The following MBNL2 variants were observed in gnomAD, a reference collection of about 807,000 sequenced individuals.
MBNL2 encodes the protein muscleblind-like protein 2.
MBNL2 carries 17 observed loss-of-function variants against 41.9 expected under a neutral mutation model. The ratio of observed to expected loss-of-function variants is 0.41; its 90% CI spans 0.28 to 0.61. The LOEUF (loss-of-function observed/expected upper bound fraction) is 0.61. Among genes scored for constraint, MBNL2 ranks in the 20% least tolerant of loss-of-function variants. The pLI is 0.35. For missense variants in MBNL2, 336 were observed against 505.6 expected, an observed-to-expected ratio of 0.66 and a Z score of 3.22; for synonymous variants, 195 against 182.9, an observed-to-expected ratio of 1.07 and a Z score of -0.53.
intron 1 of MBNL2, among the ~76,000 whole-genome samples, chr13:97,250,262 A>T (rs1244629640): frequency 6.6e-6 from 1 of 152,154 alleles, no homozygotes; most frequent in Non-Finnish European, 1.5e-5. Context: ...TATATTCTCC[A>T]GCTCATTGGT....
chr13:97,385,229 C>T (rs1295239521), intron 8 of MBNL2, among the ~76,000 whole-genome samples: 1 of 152,168 alleles, frequency 6.6e-6, no homozygotes, highest in Non-Finnish European at 1.5e-5. Flanking sequence ...ATGAGACAGT[C>T]CCCCTGTCCT....
At chr13:97,162,931 G>A in the MBNL2 span, among the ~76,000 whole-genome samples, 27 of 152,284 alleles carry the variant, frequency 1.8e-4, no homozygotes, top group South Asian at 3.1e-3. Context: ...AACAAAGGTC[G>A]TGAGAATCTT....
the MBNL2 span, among the ~76,000 whole-genome samples, chr13:97,159,783 C>T: frequency 6.6e-6 from 1 of 151,700 alleles, no homozygotes; most frequent in Non-Finnish European, 1.5e-5. Context: ...GTCTGATGGG[C>T]TTCCCTTTGA....
chr13:97,181,683 T>C, the MBNL2 span, among the ~76,000 whole-genome samples: 1 of 152,228 alleles, frequency 6.6e-6, no homozygotes, highest in Admixed American at 6.5e-5. Context: ...GAGTGTAATA[T>C]ATGATATATC....
intron 5 of MBNL2, among the ~76,000 whole-genome samples, chr13:97,353,370 C>A (rs1415799089): frequency 3.3e-5 from 5 of 152,282 alleles, no homozygotes; most frequent in Non-Finnish European, 7.3e-5. Context: ...ACTCTAATAG[C>A]AAAATTACTC....
chr13:97,338,762 C>G (rs2061113909), intron 3 of MBNL2, among the ~76,000 whole-genome samples: 1 of 152,196 alleles, frequency 6.6e-6, no homozygotes, highest in African/African-American at 2.4e-5. Context: ...CTTGTGCCCT[C>G]CGGAGCTGCT....
chr13:97,258,958 G>T (rs1006265785), intron 1 of MBNL2, among the ~76,000 whole-genome samples: 2 of 152,152 alleles, frequency 1.3e-5, no homozygotes, highest in African/African-American at 4.8e-5. Context: ...CTGACTTCGA[G>T]ATATGTTAAC....
the MBNL2 span, among the ~76,000 whole-genome samples, chr13:97,206,015 A>G: frequency 2.0e-5 from 3 of 152,238 alleles, no homozygotes; most frequent in African/African-American, 7.2e-5. Flanking sequence ...CTTCTATGAT[A>G]AAAAATGAGT....
At chr13:97,161,212 T>G in the MBNL2 span, among the ~76,000 whole-genome samples, 1,356 of 152,316 alleles carry the variant, frequency 8.9e-3, 10 homozygotes, top group Non-Finnish European at 0.015. Context: ...CATTTAGCAT[T>G]GAGAGGAAAT....
chr13:97,324,362 C>T (rs963083779), intron 2 of MBNL2, among the ~76,000 whole-genome samples: 6 of 152,100 alleles, frequency 3.9e-5, no homozygotes, highest in Non-Finnish European at 7.4e-5. Flanking sequence ...GTTTCCTGTA[C>T]GGTTGGGGTT....
At chr13:97,186,838 AC>A in the MBNL2 span, among the ~76,000 whole-genome samples, 1 of 152,138 alleles carries the variant, frequency 6.6e-6, no homozygotes, top group Non-Finnish European at 1.5e-5. Context: ...TTGATCATAC[AC>A]CAAAAAAAAG....
At chr13:97,386,963 A>C (rs2065969618) in intron 8 of MBNL2, among the ~76,000 whole-genome samples, 1 of 152,012 alleles carries the variant, frequency 6.6e-6, no homozygotes, top group Non-Finnish European at 1.5e-5. Flanking sequence ...GATCAAGTGT[A>C]TCTTTGCCTT....
At chr13:97,370,297 G>C (rs970734228) in intron 8 of MBNL2, among the ~76,000 whole-genome samples, 1 of 152,208 alleles carries the variant, frequency 6.6e-6, no homozygotes, top group Non-Finnish European at 1.5e-5. Flanking sequence ...AAGCTAAGAT[G>C]AATCTTACAC....
At chr13:97,244,175 T>C (rs1360991007) in intron 1 of MBNL2, among the ~76,000 whole-genome samples, 1 of 152,238 alleles carries the variant, frequency 6.6e-6, no homozygotes, top group Non-Finnish European at 1.5e-5. Context: ...AAAATTCCAA[T>C]GTGATTCTTT....
the MBNL2 span, among the ~76,000 whole-genome samples, chr13:97,178,151 C>T: frequency 4.6e-5 from 7 of 152,170 alleles, no homozygotes; most frequent in South Asian, 2.1e-4. Context: ...AAAGAAAATG[C>T]GAGGAACATA....
At chr13:97,183,071 G>A in the MBNL2 span, among the ~76,000 whole-genome samples, 4 of 152,202 alleles carry the variant, frequency 2.6e-5, no homozygotes, top group African/African-American at 9.6e-5. Context: ...AAACATAAAC[G>A]CAGATGCATC....
At chr13:97,328,940 T>C (rs1045475980) in intron 2 of MBNL2, among the ~76,000 whole-genome samples, 1 of 152,236 alleles carries the variant, frequency 6.6e-6, no homozygotes, top group African/African-American at 2.4e-5. Context: ...TTATGCTTTT[T>C]CTTTCTCACA....
chr13:97,325,294 T>A (rs1301057154), intron 2 of MBNL2, among the ~76,000 whole-genome samples: 3 of 152,212 alleles, frequency 2.0e-5, no homozygotes, highest in Non-Finnish European at 4.4e-5. Flanking sequence ...CATTTTCAGT[T>A]AATGAATAAA....
the MBNL2 span, among the ~76,000 whole-genome samples, chr13:97,210,627 C>T: frequency 9.1e-6 from 1 of 109,836 alleles, no homozygotes; most frequent in Non-Finnish European, 1.7e-5. Context: ...GAATCTCACA[C>T]TGTTGCCCAG....
Sources: allele counts gnomAD v4.1 joint callset (sites outside exome capture counted in the v4.1 genomes callset), GRCh38; gene constraint gnomAD v4.1.1; transcripts MANE v1.5; gene names NCBI Gene and HGNC (gene_info 2026-07-23, HGNC 2026-07-21).